The following BBX variants were observed in gnomAD, a reference collection of about 807,000 sequenced individuals.
BBX encodes the protein BBX high mobility group box domain containing.
Under a neutral mutation model 100.2 loss-of-function variants are expected in BBX, and 30 were observed. The observed-to-expected ratio is 0.30, with a 90% CI of 0.22 to 0.41. The LOEUF (loss-of-function observed/expected upper bound fraction) is 0.41, where lower values mean the gene tolerates loss of function less well. Among genes scored for constraint, BBX ranks in the 10% least tolerant of loss-of-function variants. The pLI is 1.00. For missense variants in BBX, 1,023 were observed against 1,129.8 expected (o/e 0.91, Z 1.35); for synonymous variants, 376 against 388.1 (o/e 0.97, Z 0.37).
rs533444235 is a variant in BBX, at chr3:107,809,828, T to C, written c.*4371T>C. On this transcript the variant is annotated 3_prime_UTR_variant, in exon 18 of 18. Transcript: ENST00000325805. Reference sequence around the variant, plus strand: ...ACTAATTGTTAATTAGATGTTGCTTTTGTTTATACAAGCATTCCCAAAGAA... The same window carrying C: ...ACTAATTGTTAATTAGATGTTGCTTCTGTTTATACAAGCATTCCCAAAGAA... The C allele has an allele frequency of 1.3e-5, 2 of 152,380 alleles. No individual in the cohort carries two copies. The highest frequency in any genetic ancestry group is 1.3e-4 in the Admixed American group (2 of 15,312). The allele number at this position is 152,380 out of a possible 1,614,324, so 9.4% of individuals were successfully genotyped here.
intron 2 of BBX, among the ~76,000 whole-genome samples, chr3:107,616,005 C>CTTTTTTTTTTTTTTTTT (rs59614452): frequency 2.1e-4 from 4 of 19,248 alleles, no homozygotes; most frequent in Admixed American, 6.7e-4. Context: ...TACTCACCTG[C>CTTTTTTTTTTTTTTTTT]TTTTTTTTTT....
chr3:107,794,659 T>TTC (rs1301502408), intron 15 of BBX, among the ~76,000 whole-genome samples: 1 of 152,220 alleles, frequency 6.6e-6, no homozygotes, highest in Non-Finnish European at 1.5e-5. Flanking sequence ...GCTCATTCGT[T>TTC]TCTTTTTCCT....
At chr3:107,554,601 A>T (rs2049946506) in intron 2 of BBX, among the ~76,000 whole-genome samples, 1 of 152,128 alleles carries the variant, frequency 6.6e-6, no homozygotes, top group Non-Finnish European at 1.5e-5. Context: ...TGCATTTTTT[A>T]TTCTTTAATT....
At chr3:107,756,174 G>C (rs1169865412) in intron 10 of BBX, among the ~76,000 whole-genome samples, 1 of 152,044 alleles carries the variant, frequency 6.6e-6, no homozygotes, top group Non-Finnish European at 1.5e-5. Flanking sequence ...TCTTCCATTG[G>C]CAAAGTAGAA....
intron 1 of BBX, among the ~76,000 whole-genome samples, 183 bp from the exon 2 acceptor site, chr3:107,526,144 C>G (rs924880221): frequency 6.6e-6 from 1 of 152,128 alleles, no homozygotes; most frequent in Non-Finnish European, 1.5e-5. Flanking sequence ...ATACGGGGAG[C>G]TTCTTTGCCT....
chr3:107,526,374 G>A lies in BBX; in HGVS notation c.-108G>A, dbSNP rs982044577. ...TTTGCCGCAGTTCATCTTCCTCCCT[G>A]TGTACTTTCCATTTGCCTTCCTGGG... On this transcript the variant is annotated 5_prime_UTR_variant, in exon 2 of 18. The change creates a new upstream start codon in the 5' untranslated region. Transcript: ENST00000325805. 3.5e-5 allele frequency: 14 copies of A among 398,506 alleles called. No homozygotes were observed. The highest frequency in any genetic ancestry group is 5.3e-5 in the Non-Finnish European group (12 of 226,090). The allele number at this position is 398,506 out of a possible 1,614,324, so 24.7% of individuals were successfully genotyped here.
rs76764171 is a variant in BBX, at chr3:107,716,680, G to A, written c.236G>A (p.Arg79Gln). 2.2e-4 allele frequency: 361 copies of A among 1,613,790 alleles called. No homozygotes were observed. Among genetic ancestry groups the A allele is most frequent in the Non-Finnish European group, 2.9e-4 (348 of 1,179,816 alleles). Residue 79 changes from arginine to glutamine, a missense_variant, in exon 5 of 18, where the codon CGA (arginine) becomes CAA (glutamine). Around this residue, in one of 9 missense-constraint regions of BBX, gnomAD observed 229 missense variants for 226.3 expected, o/e 1.01. Transcript: ENST00000325805. ...ETEDDESPEQRARRPMNAFLL... is the reference protein window; with the variant it reads ...ETEDDESPEQQARRPMNAFLL... ...GAAGATGATGAATCACCAGAGCAGC[G>A]AGCCCGGAGACCAATGAATGCATTT... is the stretch of plus-strand genomic sequence containing the variant.
chr3:107,647,233 A>G (rs1181648749), intron 3 of BBX, among the ~76,000 whole-genome samples: 1 of 152,180 alleles, frequency 6.6e-6, no homozygotes, highest in Non-Finnish European at 1.5e-5. Flanking sequence ...TTGCTAATCT[A>G]AAAGAGAGTT....
rs149966793 is a variant in BBX, at chr3:107,791,248, G to A, written c.2302G>A (p.Asp768Asn). 7 of 1,612,632 alleles carry A rather than the reference G, an allele frequency of 4.3e-6. No homozygotes were observed. In the Admixed American group the frequency reaches 1.0e-4, roughly 23 times the overall value. ...TCTGTCATTGTTTTTAGGAAGTGGG[G>A]ATAAATGGTCAAACAAGCAACTCTT... ...KPNVPEKGSG[D>N]KWSNKQLFLD... Residue 768 changes from aspartate (D) to asparagine (N), a missense_variant, in exon 15 of 18, where the codon GAT becomes AAT. Asp to Asn is a conservative substitution (Grantham distance 23). This residue lies in a region of BBX where 215 missense variants were observed against 211.3 expected (regional missense o/e 1.02). Coordinates refer to ENST00000325805, the MANE Select transcript of BBX (RefSeq NM_001142568.3).
intron 2 of BBX, among the ~76,000 whole-genome samples, chr3:107,536,494 G>A (rs1192137373): frequency 1.3e-5 from 2 of 151,946 alleles, no homozygotes; most frequent in South Asian, 2.1e-4. Context: ...TGTTTTAGCC[G>A]AACAATGGTT....
chr3:107,626,204 C>T (rs968265776), intron 2 of BBX, among the ~76,000 whole-genome samples: 10 of 152,084 alleles, frequency 6.6e-5, no homozygotes, highest in Non-Finnish European at 1.0e-4. Flanking sequence ...ATATGGGTGA[C>T]TGGAAAATCT....
intron 7 of BBX, among the ~76,000 whole-genome samples, chr3:107,743,898 T>G (rs2064323200): frequency 6.7e-6 from 1 of 150,282 alleles, no homozygotes; most frequent in Admixed American, 6.7e-5. Context: ...TGTAGGTGAT[T>G]TTTCTTCTTT....
chr3:107,611,264 G>T (rs1444809672), intron 2 of BBX, among the ~76,000 whole-genome samples: 1 of 152,094 alleles, frequency 6.6e-6, no homozygotes, highest in Admixed American at 6.5e-5. Context: ...TAAGATCAGT[G>T]TCTTTATGCA....
At chr3:107,603,373 T>C (rs1395933559) in intron 2 of BBX, among the ~76,000 whole-genome samples, 2 of 152,024 alleles carry the variant, frequency 1.3e-5, no homozygotes, top group East Asian at 3.9e-4. Context: ...CTTGTCATCT[T>C]ATTTTTTATT....
At chr3:107,714,111 G>T (rs1007436646) in intron 4 of BBX, among the ~76,000 whole-genome samples, 2 of 151,428 alleles carry the variant, frequency 1.3e-5, no homozygotes, top group Non-Finnish European at 2.9e-5. Flanking sequence ...GAGGAGCTGG[G>T]ATTACAGGTG....
intron 13 of BBX, among the ~76,000 whole-genome samples, chr3:107,783,140 C>A (rs1051332918): frequency 1.3e-5 from 2 of 152,084 alleles, no homozygotes; most frequent in Non-Finnish European, 2.9e-5. Context: ...AACATATACA[C>A]TATGCTGATT....
chr3:107,590,396 G>A lies in BBX; in HGVS notation c.-83-55440G>A, dbSNP rs138637390. Among the ~76,000 whole-genome samples the A allele has an allele frequency of 2.0e-3, 305 of 152,252 alleles. 1 individual carries two copies. Among genetic ancestry groups the A allele is most frequent in the African/African-American group, 7.0e-3 (292 of 41,554 alleles). ...ATCATTTTTGTGTGTAAAGAACATTGCAAATCTATGTATTTTGAAATACAC... is the reference window on the plus strand; with the variant it reads ...ATCATTTTTGTGTGTAAAGAACATTACAAATCTATGTATTTTGAAATACAC... On this transcript the variant is annotated intron_variant, in intron 2 of 17. Coordinates refer to ENST00000325805, the MANE Select transcript of BBX (RefSeq NM_001142568.3).
chr3:107,545,616 A>G (rs1164645805), intron 2 of BBX, among the ~76,000 whole-genome samples: 1 of 152,126 alleles, frequency 6.6e-6, no homozygotes, highest in African/African-American at 2.4e-5. Context: ...AAAAATGGTA[A>G]TGCCTTCTTT....
At chr3:107,774,039 C>G (rs918041836) in intron 11 of BBX, among the ~76,000 whole-genome samples, 2 of 152,132 alleles carry the variant, frequency 1.3e-5, no homozygotes, top group Non-Finnish European at 2.9e-5. Context: ...GAAGCAACTG[C>G]CTTTCTCTCT....
Sources: gnomAD v4.1 joint callset for allele counts (sites outside exome capture counted in the v4.1 genomes callset) on GRCh38, gnomAD v4.1.1 for gene constraint, gnomAD v4.1.1 regional missense constraint, MANE v1.5 for transcripts, NCBI Gene and HGNC (gene_info 2026-07-23, HGNC 2026-07-21) for gene names.